The following SLC2A5 variants were observed in gnomAD, a reference collection of about 807,000 sequenced individuals.
SLC2A5 encodes solute carrier family 2, facilitated glucose transporter member 5.
In SLC2A5, 56 loss-of-function variants were observed where a neutral mutation model predicts 50.3. That is an observed-to-expected ratio of 1.11 (90% CI 0.90 to 1.39). SLC2A5 has a LOEUF of 1.39. SLC2A5 is among the 40% of genes most tolerant of loss of function. The pLI, the probability that SLC2A5 is intolerant of heterozygous loss-of-function variation, is 0.00. For missense variants in SLC2A5, 566 were observed against 650.1 expected (o/e 0.87, Z 1.41); for synonymous variants, 269 against 281.9 (o/e 0.95, Z 0.46).
At chr1:9,077,413 C>CA (rs1291797441) in intron 2 of SLC2A5, among the ~76,000 whole-genome samples, 5,647 of 120,094 alleles carry the variant, frequency 0.047, 295 homozygotes, top group African/African-American at 0.13. Flanking sequence ...AAAAAAAAAG[C>CA]AAAAAAAAAA....
intron 5 of SLC2A5, chr1:9,041,549 T>C: frequency 7.3e-7 from 1 of 1,364,454 alleles, no homozygotes. Flanking sequence ...CAAAGCCACC[T>C]CATCCATCTC....
chr1:9,069,554 A>G lies in SLC2A5; in HGVS notation c.-18T>C. 6.2e-7 allele frequency: 1 copy of G among 1,614,036 alleles called. No individual in the cohort carries two copies. On this transcript the variant is annotated 5_prime_UTR_variant, in exon 1 of 12. Coordinates refer to ENST00000377424, the MANE Select transcript of SLC2A5 (RefSeq NM_003039.3). ...TGCTCCATGCTTGCTCTGGAAGGGC[A>G]GAGTGCCGCTCACCTCCTTTTAGCC...
upstream of SLC2A5, chr1:9,071,934 C>CTCTGCCTCAGCCCGGG (rs1491473399): frequency 1.2e-5 from 2 of 163,448 alleles, no homozygotes; most frequent in Non-Finnish European, 2.6e-5. Flanking sequence ...CCCCCTCGGC[C>CTCTGCCTCAGCCCGGG]TCTGCCTCAG....
intron 4 of SLC2A5, among the ~76,000 whole-genome samples, chr1:9,045,695 C>T (rs1433721514): frequency 6.6e-6 from 1 of 151,880 alleles, no homozygotes; most frequent in Non-Finnish European, 1.5e-5. Flanking sequence ...CATAGTGAAA[C>T]CCCATCTCTA....
Position 9,040,268 on chromosome 1 carries a change from C to G in SLC2A5, c.572-79G>C, listed in dbSNP as rs1430523243. 2.0e-6 allele frequency: 3 copies of G among 1,494,048 alleles called. No individual in the cohort carries two copies. The African/African-American group carries it at 4.2e-5, about 21-fold the overall frequency. The allele number at this position is 1,494,048 out of a possible 1,614,324, so 92.5% of individuals were successfully genotyped here. The stretch of plus-strand genomic sequence containing the variant: ...GCCCTCTGCAGAGCCGGCCCCAGCC[C>G]CGTCATCCTGAGTGGGGTGCAGGCT... On this transcript the variant is annotated intron_variant, in intron 5 of 11. Coordinates refer to ENST00000377424, the MANE Select transcript of SLC2A5 (RefSeq NM_003039.3). This position sits in a 1 kb window ranked among gnomAD's most constrained non-coding sequence, Gnocchi z 4.3.
At position 9,058,184 on chromosome 1, in the gene SLC2A5, AC is replaced by A. The variant is rs760057718; in HGVS notation, c.99del (p.Tyr34ThrfsTer34). ...GGGGAGTTGACAGCAGCCACGTTGT[AC>A]CCATACTGGAAGGATGACCCAAAGG... is the stretch of plus-strand genomic sequence containing the variant. ...IAAFGSSFQY[G>X]YNVAAVNSPA... On this transcript the variant is annotated frameshift_variant, in exon 2 of 12. Coordinates refer to ENST00000377424, the MANE Select transcript of SLC2A5 (RefSeq NM_003039.3). LOFTEE classifies it high-confidence loss of function. The A allele has an allele frequency of 3.7e-6, 6 of 1,613,766 alleles. No homozygotes were observed. The East Asian group carries it at 6.7e-5, about 18-fold the overall frequency.
intron 2 of SLC2A5, among the ~76,000 whole-genome samples, chr1:9,082,090 T>G (rs1467385724): frequency 6.6e-6 from 1 of 151,772 alleles, no homozygotes; most frequent in African/African-American, 2.4e-5. Flanking sequence ...TCAAAAAAAA[T>G]AAAATAAAAC....
chr1:9,043,505 T>C (rs1035110801), intron 4 of SLC2A5, among the ~76,000 whole-genome samples: 11 of 152,212 alleles, frequency 7.2e-5, no homozygotes, highest in African/African-American at 2.4e-4. Flanking sequence ...TCCTGGGAGC[T>C]GAAGTGGGAG....
At position 9,035,312 on chromosome 1, in the gene SLC2A5, T is replaced by A. The variant is rs1219547114; in HGVS notation, c.*2274A>T. The A allele has an allele frequency of 6.6e-6, 1 of 152,258 alleles. No homozygotes were observed. The highest frequency in any genetic ancestry group is 1.5e-5 in the Non-Finnish European group (1 of 68,054). 9.4% of individuals were successfully genotyped at this position (152,258 alleles called of 1,614,324 possible). On this transcript the variant is annotated 3_prime_UTR_variant, in exon 12 of 12. Coordinates refer to ENST00000377424, the MANE Select transcript of SLC2A5 (RefSeq NM_003039.3). ...TTAGAGGTGCTGCAGTTTCTTGACT[T>A]CTGATATTCTGACCTGGCCTCTCCT...
At chr1:9,089,886 C>A (rs946535959), upstream of SLC2A5, among the ~76,000 whole-genome samples, 1 of 152,190 alleles carries the variant, frequency 6.6e-6, no homozygotes, top group Admixed American at 6.5e-5. Context: ...GGATTCTTCA[C>A]CCCCACATCT....
At chr1:9,086,917 C>A (rs1238499711) in intron 1 of SLC2A5, among the ~76,000 whole-genome samples, 3 of 152,144 alleles carry the variant, frequency 2.0e-5, no homozygotes, top group African/African-American at 7.2e-5. Flanking sequence ...TCAGCATAAC[C>A]AGAAACATTC....
chr1:9,065,571 T>A (rs1024660109), intron 1 of SLC2A5, among the ~76,000 whole-genome samples: 2 of 152,188 alleles, frequency 1.3e-5, no homozygotes, highest in African/African-American at 4.8e-5. Context: ...CAGGGAGAGA[T>A]GAGCATCGTC....
intron 1 of SLC2A5, among the ~76,000 whole-genome samples, chr1:9,068,060 C>T (rs1455044739): frequency 6.6e-6 from 1 of 151,706 alleles, no homozygotes; most frequent in Non-Finnish European, 1.5e-5. Context: ...TGTGGTGGTG[C>T]ATGCCTGTAA....
At chr1:9,058,986 A>C (rs1641831445) in intron 1 of SLC2A5, among the ~76,000 whole-genome samples, 1 of 151,478 alleles carries the variant, frequency 6.6e-6, no homozygotes, top group Non-Finnish European at 1.5e-5. Context: ...GGACAATCAC[A>C]CTCCCTACCA....
At chr1:9,086,888 A>T (rs1642406648) in intron 1 of SLC2A5, among the ~76,000 whole-genome samples, 1 of 152,200 alleles carries the variant, frequency 6.6e-6, no homozygotes, top group South Asian at 2.1e-4. Flanking sequence ...GCCCCAAAAC[A>T]TCAGCCTAAT....
chr1:9,043,544 A>G (rs991024729), intron 4 of SLC2A5, among the ~76,000 whole-genome samples: 74 of 152,100 alleles, frequency 4.9e-4, no homozygotes, highest in Non-Finnish European at 1.0e-4. Context: ...AACAAGAGCC[A>G]CTTAGCAGCA....
At chr1:9,091,218 T>C (rs1642458509), upstream of SLC2A5, among the ~76,000 whole-genome samples, 1 of 152,218 alleles carries the variant, frequency 6.6e-6, no homozygotes, top group South Asian at 2.1e-4. Context: ...CCTTCTATCA[T>C]GCTTTCTTGC....
At chr1:9,067,199 G>C (rs1371903525) in intron 1 of SLC2A5, among the ~76,000 whole-genome samples, 1 of 152,160 alleles carries the variant, frequency 6.6e-6, no homozygotes, top group African/African-American at 2.4e-5. Context: ...GATTCTTACA[G>C]ACCATTGGGA....
chr1:9,057,891 G>A (rs544941194), intron 2 of SLC2A5, among the ~76,000 whole-genome samples: 2 of 152,202 alleles, frequency 1.3e-5, no homozygotes, highest in East Asian at 3.9e-4. Context: ...TGGCCCCCCC[G>A]GATTCCCTCT....
Sources: allele counts gnomAD v4.1 joint callset (sites outside exome capture counted in the v4.1 genomes callset), GRCh38; gene constraint gnomAD v4.1.1; non-coding constraint Gnocchi (gnomAD v3.1); transcripts MANE v1.5; gene names NCBI Gene and HGNC (gene_info 2026-07-23, HGNC 2026-07-21).